The following CLDN2 variants were observed in gnomAD, a reference collection of about 807,000 sequenced individuals.
CLDN2 encodes the protein claudin 2.
A neutral mutation model predicts 8.2 loss-of-function variants in CLDN2; 1 was observed. The observed-to-expected ratio is 0.12, with a 90% CI of 0.04 to 0.58. The LOEUF (loss-of-function observed/expected upper bound fraction) is 0.58. CLDN2 is among the 20% of genes least tolerant of loss of function. CLDN2 has a pLI of 0.90. For synonymous variants in CLDN2, 70 were observed against 70.2 expected (o/e 1.00, Z 0.01); for missense variants, 108 against 172.9 (o/e 0.62, Z 2.11).
At chrX:106,915,585 C>T (rs57466036), upstream of CLDN2, among the ~76,000 whole-genome samples, 6,857 of 111,949 alleles carry the variant, frequency 0.061, 555 homozygotes, top group African/African-American at 0.21. Context: ...AATCTTGCTA[C>T]ATTGGCCTTA....
chrX:106,903,244 G>A, intron 1 of CLDN2: 1 of 1,210,059 alleles, frequency 8.3e-7, no homozygotes, highest in African/African-American at 1.7e-5. Context: ...CAAAGCCAGG[G>A]CTGGAACAGG....
intron 1 of CLDN2, among the ~76,000 whole-genome samples, chrX:106,910,710 C>CAA (rs371400610): frequency 5.3e-5 from 5 of 94,676 alleles, no homozygotes; most frequent in African/African-American, 1.9e-4. Flanking sequence ...GAAACTCCAT[C>CAA]AAAAAAAAAA....
Position 106,928,309 on chromosome X carries a change from C to T in CLDN2, c.81C>T (p.Leu27=), listed in dbSNP as rs1322581753. The change falls in exon 2 of 2, where the codon CTC becomes CTT. Residue 27 remains leucine, a synonymous_variant. Transcript: ENST00000336803. ...TGGGCACACTGGTTGCCATGCTGCT[C>T]CCCAGCTGGAAAACAAGTTCTTATG... ...GLLGTLVAML[L]PSWKTSSYVG... 8.3e-7 allele frequency: 1 copy of T among 1,211,826 alleles called. No individual in the cohort carries two copies. Among genetic ancestry groups the T allele is most frequent in the Non-Finnish European group, 1.1e-6 (1 of 895,399 alleles).
At chrX:106,909,909 G>C (rs915077161) in intron 1 of CLDN2, among the ~76,000 whole-genome samples, 1 of 111,185 alleles carries the variant, frequency 9.0e-6, no homozygotes, top group African/African-American at 3.3e-5. Context: ...CTCCCCATTT[G>C]CTCCTCATTT....
At position 106,902,170 on chromosome X, in the gene CLDN2, G is replaced by A. The variant is rs761155447; in HGVS notation, c.-179+1666G>A. On this transcript the variant is annotated intron_variant, in intron 1 of 1. Coordinates refer to the CLDN2 transcript ENST00000541806. The stretch of plus-strand genomic sequence containing the variant: ...CCACCAGCTTCCTCATCTGCCTTGG[G>A]GAGTCATTTGTGGAAGACAGCCAGG... 4.2e-6 allele frequency: 5 copies of A among 1,193,942 alleles called. No individual in the cohort carries two copies. In the East Asian group the frequency reaches 9.1e-5, roughly 22 times the overall value.
At chrX:106,924,956 A>G (rs1375482061) in intron 1 of CLDN2, among the ~76,000 whole-genome samples, 1 of 110,234 alleles carries the variant, frequency 9.1e-6, no homozygotes, top group Non-Finnish European at 1.9e-5. Context: ...ATTTATTAAG[A>G]AGACAGTTTT....
At chrX:106,900,784 C>A in intron 1 of CLDN2, 1 of 1,211,142 alleles carries the variant, frequency 8.3e-7, no homozygotes, top group Non-Finnish European at 1.1e-6. Context: ...TCTTCATCTT[C>A]CTCTTCTTCT....
upstream of CLDN2, among the ~76,000 whole-genome samples, chrX:106,917,215 A>G (rs1933322357): frequency 8.9e-6 from 1 of 112,685 alleles, no homozygotes; most frequent in African/African-American, 3.2e-5. Flanking sequence ...ATGGGAATGC[A>G]GAGTGAGGAA....
At chrX:106,901,507 G>A (rs762242561) in intron 1 of CLDN2, 16 of 1,211,571 alleles carry the variant, frequency 1.3e-5, no homozygotes, top group Non-Finnish European at 1.8e-5. Flanking sequence ...TTCAGCCTTG[G>A]TGACCTCAGC....
intron 1 of CLDN2, chrX:106,902,213 C>A: frequency 3.4e-6 from 4 of 1,174,489 alleles, no homozygotes; most frequent in Non-Finnish European, 4.6e-6. Context: ...GAGACAAGTT[C>A]CTCTGGGACA....
intron 1 of CLDN2, chrX:106,903,181 C>T: frequency 1.7e-6 from 2 of 1,211,214 alleles, no homozygotes; most frequent in Non-Finnish European, 2.2e-6. Context: ...GCAAGATGGG[C>T]TTAACAGGCC....
chrX:106,920,301 C>T (rs1385402885), upstream of CLDN2: 2 of 107,560 alleles, frequency 1.9e-5, no homozygotes, highest in Admixed American at 9.8e-5. Flanking sequence ...AGAAAACCCA[C>T]CAAACCTTTT....
At chrX:106,921,310 T>C (rs1195116970) in intron 1 of CLDN2, among the ~76,000 whole-genome samples, 1 of 112,216 alleles carries the variant, frequency 8.9e-6, no homozygotes, top group Non-Finnish European at 1.9e-5. Context: ...CATCAATCAA[T>C]TGATGTAGAA....
At position 106,928,956 on chromosome X, in the gene CLDN2, CTG is replaced by C. The variant is rs753226000; in HGVS notation, c.*38_*39del. 34 of 1,129,549 alleles carry C rather than the reference CTG, an allele frequency of 3.0e-5. No homozygotes were observed. The highest frequency in any genetic ancestry group is 4.0e-5 in the Non-Finnish European group (33 of 829,937). 93.1% of individuals were successfully genotyped at this position (1,129,549 alleles called of 1,213,427 possible). A position where few individuals can be genotyped will look rare whatever the true frequency, so the allele number is the denominator to read the frequency against. ...GGCCAGAGCTGGGGGGTGGCTGGGT[CTG>C]TGAAAAACAGTGGACAGCACCCCGA... On this transcript the variant is annotated 3_prime_UTR_variant, in exon 2 of 2. Transcript: ENST00000336803.
At position 106,928,759 on chromosome X, in the gene CLDN2, T is replaced by G. The variant is rs1933505157; in HGVS notation, c.531T>G (p.Ala177=). Residue 177 remains alanine (A), a synonymous_variant, in exon 2 of 2, where the codon GCT becomes GCG. Transcript: ENST00000336803. ...GIISSLFSLI[A]GIILCFSCSS... ...TTTCTTCCCTGTTCTCCCTGATAGCTGGAATCATCCTCTGCTTTTCCTGCT... is the reference window on the plus strand; with the variant it reads ...TTTCTTCCCTGTTCTCCCTGATAGCGGGAATCATCCTCTGCTTTTCCTGCT... The G allele has an allele frequency of 6.6e-6, 8 of 1,209,743 alleles. No individual in the cohort carries two copies. Among genetic ancestry groups the G allele is most frequent in the East Asian group, 5.9e-5 (2 of 33,774 alleles).
upstream of CLDN2, among the ~76,000 whole-genome samples, chrX:106,919,886 T>C (rs1044864829): frequency 1.3e-4 from 15 of 112,640 alleles, no homozygotes; most frequent in Non-Finnish European, 2.8e-4. Context: ...AGTTCCACCT[T>C]GTAGGACCTG....
chrX:106,909,857 TGGCCCATGTGGTGCG>T (rs1015574207), intron 1 of CLDN2, among the ~76,000 whole-genome samples: 1 of 111,898 alleles, frequency 8.9e-6, no homozygotes, highest in African/African-American at 3.2e-5. Context: ...GCCAGGGCTG[TGGCCCATGTGGTGCG>T]GGCTCTCTTG....
chrX:106,900,800 G>T (rs895039432), intron 1 of CLDN2: 17 of 1,209,543 alleles, frequency 1.4e-5, no homozygotes, highest in African/African-American at 1.8e-5. Flanking sequence ...CTTCTTCGCT[G>T]TCTGAGTCCT....
At chrX:106,907,949 T>C (rs1471268978) in intron 1 of CLDN2, among the ~76,000 whole-genome samples, 1 of 111,606 alleles carries the variant, frequency 9.0e-6, no homozygotes, top group Non-Finnish European at 1.9e-5. Flanking sequence ...CCCACTGAAA[T>C]TTTTCCAATG....
Sources: gnomAD v4.1 joint callset for allele counts (sites outside exome capture counted in the v4.1 genomes callset) on GRCh38, gnomAD v4.1.1 for gene constraint, MANE v1.5 for transcripts, NCBI Gene and HGNC (gene_info 2026-07-23, HGNC 2026-07-21) for gene names.